The following ZNF578 variants were observed in gnomAD, a reference collection of about 807,000 sequenced individuals.
ZNF578 encodes Putative chemokine-related protein B42.
In ZNF578, 8 loss-of-function variants were observed where a neutral mutation model predicts 8.3. The ratio of observed to expected loss-of-function variants is 0.96; its 90% CI spans 0.56 to 1.74. The LOEUF (loss-of-function observed/expected upper bound fraction) is 1.74. Among genes scored for constraint, ZNF578 ranks in the 40% most tolerant of loss-of-function variants. ZNF578 has a pLI of 0.00. For synonymous variants in ZNF578, 206 were observed against 232.2 expected, an observed-to-expected ratio of 0.89 and a Z score of 1.03; for missense variants, 726 against 707.5, an observed-to-expected ratio of 1.03 and a Z score of -0.30.
At chr19:52,507,981 G>A (rs377756536) in intron 5 of ZNF578, among the ~76,000 whole-genome samples, 2 of 152,028 alleles carry the variant, frequency 1.3e-5, no homozygotes, top group South Asian at 2.1e-4. Context: ...TCTGGGAGGC[G>A]GAGGTTATGG....
At chr19:52,499,688 CGTT>C (rs1325131418) in intron 3 of ZNF578, among the ~76,000 whole-genome samples, 1 of 147,136 alleles carries the variant, frequency 6.8e-6, no homozygotes, top group Non-Finnish European at 1.5e-5. Context: ...ACTTCCAAAT[CGTT>C]TTTTTTTTTT....
chr19:52,487,570 T>TTGG (rs2059349803), intron 2 of ZNF578, among the ~76,000 whole-genome samples: 1 of 152,156 alleles, frequency 6.6e-6, no homozygotes, highest in Non-Finnish European at 1.5e-5. Flanking sequence ...TTTCCTAGGA[T>TTGG]GAGGAGGGCA....
intron 2 of ZNF578, among the ~76,000 whole-genome samples, chr19:52,461,063 C>G (rs545181268): frequency 2.8e-4 from 43 of 152,270 alleles, no homozygotes; most frequent in Non-Finnish European, 6.0e-4. Flanking sequence ...TAAGAGGATT[C>G]ACATTTGAAA....
At chr19:52,507,545 C>CAA (rs1183666231) in intron 5 of ZNF578, among the ~76,000 whole-genome samples, 7 of 151,336 alleles carry the variant, frequency 4.6e-5, no homozygotes, top group African/African-American at 1.7e-4. Flanking sequence ...CAAAAACAGA[C>CAA]AAAAAAAGAA....
At chr19:52,506,739 C>T (rs1351693484) in intron 5 of ZNF578, among the ~76,000 whole-genome samples, 3 of 152,146 alleles carry the variant, frequency 2.0e-5, no homozygotes, top group Non-Finnish European at 4.4e-5. Flanking sequence ...TGGCGCAAGC[C>T]TGGCTAATTT....
chr19:52,471,978 T>C, intron 2 of ZNF578, among the ~76,000 whole-genome samples: 1 of 152,326 alleles, frequency 6.6e-6, no homozygotes, highest in Middle Eastern at 3.4e-3. Context: ...ATTTTTACCC[T>C]TAACCTCATA....
chr19:52,484,689 T>C (rs1169043198), intron 2 of ZNF578, among the ~76,000 whole-genome samples: 2 of 151,878 alleles, frequency 1.3e-5, no homozygotes, highest in Non-Finnish European at 2.9e-5. Flanking sequence ...ACTGATGACA[T>C]TGTCTTGTGA....
intron 3 of ZNF578, among the ~76,000 whole-genome samples, chr19:52,498,099 C>G (rs2059393097): frequency 6.6e-6 from 1 of 152,176 alleles, no homozygotes. Context: ...CCATCAGAAC[C>G]TTACAACTCG....
At chr19:52,467,118 C>A (rs2059277680) in intron 2 of ZNF578, among the ~76,000 whole-genome samples, 1 of 151,332 alleles carries the variant, frequency 6.6e-6, no homozygotes, top group South Asian at 2.1e-4. Flanking sequence ...TCAAGTGATT[C>A]TTCTGCCTCA....
At chr19:52,508,062 A>G (rs2059431425) in intron 5 of ZNF578, among the ~76,000 whole-genome samples, 1 of 151,330 alleles carries the variant, frequency 6.6e-6, no homozygotes. Context: ...AAATAAATAA[A>G]GAGGCGGGGC....
chr19:52,490,795 G>A (rs1455840141), intron 2 of ZNF578, among the ~76,000 whole-genome samples: 1 of 152,030 alleles, frequency 6.6e-6, no homozygotes, highest in Non-Finnish European at 1.5e-5. Flanking sequence ...CCGCCACCAC[G>A]CCTGGCTGAT....
intron 4 of ZNF578, among the ~76,000 whole-genome samples, chr19:52,504,109 A>T (rs1319911090): frequency 1.5e-5 from 2 of 135,000 alleles, no homozygotes; most frequent in Non-Finnish European, 3.2e-5. Context: ...TTTTTTTTTT[A>T]ACATGGAGTG....
intron 5 of ZNF578, among the ~76,000 whole-genome samples, chr19:52,508,255 G>A (rs925266177): frequency 2.0e-5 from 3 of 151,718 alleles, no homozygotes; most frequent in Non-Finnish European, 4.4e-5. Context: ...TGAGGCAGGA[G>A]AATCACTTGA....
intron 2 of ZNF578, among the ~76,000 whole-genome samples, chr19:52,487,505 TC>T (rs2059349647): frequency 6.6e-6 from 1 of 152,236 alleles, no homozygotes; most frequent in African/African-American, 2.4e-5. Context: ...CCACTTGGAT[TC>T]CCTATTCAGC....
chr19:52,459,757 A>G (rs1322114877), intron 2 of ZNF578, among the ~76,000 whole-genome samples: 11 of 11,558 alleles, frequency 9.5e-4, no homozygotes, highest in East Asian at 2.3e-3. Context: ...GTGTGTATAT[A>G]TATATATATA....
chr19:52,480,414 G>C (rs984271779), intron 2 of ZNF578, among the ~76,000 whole-genome samples: 3 of 152,094 alleles, frequency 2.0e-5, no homozygotes, highest in Admixed American at 6.6e-5. Flanking sequence ...CATAAAAGCT[G>C]TTTATCTCTG....
At chr19:52,460,847 A>T (rs1227382566) in intron 2 of ZNF578, among the ~76,000 whole-genome samples, 1 of 152,122 alleles carries the variant, frequency 6.6e-6, no homozygotes, top group Non-Finnish European at 1.5e-5. Flanking sequence ...GAATTATATT[A>T]ATAGTAGTGA....
intron 4 of ZNF578, 67 bp from the exon 5 acceptor site, chr19:52,504,588 T>C: frequency 6.2e-7 from 1 of 1,604,394 alleles, no homozygotes; most frequent in Non-Finnish European, 8.5e-7. Context: ...TTCTCTTTTC[T>C]CATTTCCTGT....
intron 2 of ZNF578, chr19:52,458,032 T>C (rs1380541005): frequency 6.5e-6 from 1 of 153,668 alleles, no homozygotes; most frequent in African/African-American, 2.4e-5. Context: ...GCAGCAGGAA[T>C]TGAAGGATTG....
Sources: gnomAD v4.1 joint callset for allele counts (sites outside exome capture counted in the v4.1 genomes callset) on GRCh38, gnomAD v4.1.1 for gene constraint, MANE v1.5 for transcripts, NCBI Gene and HGNC (gene_info 2026-07-23, HGNC 2026-07-21) for gene names.